KDM4B: variants seen among roughly 807,000 people sequenced by gnomAD.
KDM4B encodes lysine-specific demethylase 4B.
KDM4B carries 32 observed loss-of-function variants against 125.2 expected under a neutral mutation model. The ratio of observed to expected loss-of-function variants is 0.26; its 90% CI spans 0.19 to 0.34. KDM4B has a LOEUF of 0.34. Ranked by LOEUF, KDM4B falls within the 10% of genes least tolerant of loss-of-function variation. The pLI is 1.00. For missense variants in KDM4B, 1,190 were observed against 1,577.7 expected (o/e 0.75, Z 4.16); for synonymous variants, 721 against 677.9 (o/e 1.06, Z -0.99).
chr19:5,085,827 C>A (rs2038474196), intron 9 of KDM4B, among the ~76,000 whole-genome samples: 1 of 152,214 alleles, frequency 6.6e-6, no homozygotes. Context: ...GGGCAGCCGG[C>A]CCCTGACTCT....
At chr19:5,147,134 T>G (rs2039866322) in intron 21 of KDM4B, among the ~76,000 whole-genome samples, 1 of 151,826 alleles carries the variant, frequency 6.6e-6, no homozygotes, top group African/African-American at 2.4e-5. Context: ...TAGAACACCA[T>G]GGAAGTTTAC....
At chr19:5,079,363 G>A (rs193190634) in intron 8 of KDM4B, among the ~76,000 whole-genome samples, 3 of 152,332 alleles carry the variant, frequency 2.0e-5, no homozygotes, top group African/African-American at 4.8e-5. Flanking sequence ...GACAGACACC[G>A]TGAGTGTGGA....
chr19:4,994,310 G>T (rs1403365873), intron 1 of KDM4B, among the ~76,000 whole-genome samples: 1 of 151,448 alleles, frequency 6.6e-6, no homozygotes, highest in East Asian at 2.0e-4. Context: ...AGTGGCTCAC[G>T]CCTGTAATCT....
At chr19:5,122,199 G>C (rs897332747) in intron 11 of KDM4B, among the ~76,000 whole-genome samples, 12 of 152,290 alleles carry the variant, frequency 7.9e-5, no homozygotes, top group Admixed American at 2.0e-4. Flanking sequence ...TCAGTGTCTA[G>C]AGGCGCCCAC....
At chr19:5,034,494 C>A (rs1042566493) in intron 3 of KDM4B, among the ~76,000 whole-genome samples, 1 of 152,222 alleles carries the variant, frequency 6.6e-6, no homozygotes, top group Admixed American at 6.5e-5. Context: ...ATTGTTTTCA[C>A]GTCTTCTGCT....
At chr19:5,133,438 G>A (rs1490613710) in intron 13 of KDM4B, among the ~76,000 whole-genome samples, 1 of 152,186 alleles carries the variant, frequency 6.6e-6, no homozygotes, top group East Asian at 1.9e-4. Flanking sequence ...CTGAGTCTCG[G>A]CTGGTCACTG....
intron 7 of KDM4B, among the ~76,000 whole-genome samples, 174 bp downstream of exon 7, chr19:5,071,233 C>T (rs555569748): frequency 1.3e-5 from 2 of 152,356 alleles, no homozygotes; most frequent in East Asian, 1.9e-4. Context: ...CTCCCACCCT[C>T]GTGGTCAGAT....
intron 9 of KDM4B, among the ~76,000 whole-genome samples, chr19:5,092,088 G>A (rs1445997739): frequency 6.6e-6 from 1 of 152,214 alleles, no homozygotes; most frequent in East Asian, 1.9e-4. Flanking sequence ...CCCGGGCCGG[G>A]CCAGAATGAG....
chr19:5,130,920 G>A (rs575750469), intron 11 of KDM4B, among the ~76,000 whole-genome samples, 156 bp from the exon 12 acceptor site: 12 of 152,370 alleles, frequency 7.9e-5, no homozygotes, highest in African/African-American at 2.4e-4. Flanking sequence ...GAGGTGGCCC[G>A]AAGCCTGTGT....
chr19:5,042,888 G>A (rs1463596161), intron 5 of KDM4B, among the ~76,000 whole-genome samples: 2 of 150,776 alleles, frequency 1.3e-5, no homozygotes, highest in South Asian at 2.1e-4. Context: ...TCTGTATTTC[G>A]CGTACACTTT....
rs191192800 is a variant in KDM4B, at chr19:5,041,372, C to T, written c.432+121C>T. 197 of 677,954 alleles carry T rather than the reference C, an allele frequency of 2.9e-4. No individual in the cohort carries two copies. The African/African-American group carries it at 3.1e-3, about 11-fold the overall frequency. The allele number at this position is 677,954 out of a possible 1,614,324, so 42.0% of individuals were successfully genotyped here. A position where few individuals can be genotyped will look rare whatever the true frequency, so the allele number is the denominator to read the frequency against. On this transcript the variant is annotated intron_variant, in intron 5 of 22. Coordinates refer to ENST00000159111, the MANE Select transcript of KDM4B (RefSeq NM_015015.3). ...TCCAGGCAGGCAAGGTTAACCCCCT[C>T]GCCCAGGCTCTGGATGCGGGCCTCG...
intron 11 of KDM4B, among the ~76,000 whole-genome samples, chr19:5,120,795 A>T (rs1180876868): frequency 6.6e-6 from 1 of 152,004 alleles, no homozygotes; most frequent in Non-Finnish European, 1.5e-5. Context: ...TCCAGGTGCC[A>T]TGCAGGGAGC....
intron 11 of KDM4B, among the ~76,000 whole-genome samples, chr19:5,123,759 G>T (rs982999829): frequency 6.6e-6 from 1 of 152,240 alleles, no homozygotes; most frequent in Non-Finnish European, 1.5e-5. Flanking sequence ...GGTCGTGCTG[G>T]TAGAGGATAA....
In KDM4B at chr19:4,969,209, C is replaced by T. The variant is rs2034153948; in HGVS notation, c.-130C>T. The T allele has an allele frequency of 6.7e-6, 1 of 149,290 alleles. No individual in the cohort carries two copies. Among genetic ancestry groups the T allele is most frequent in the South Asian group, 2.1e-4 (1 of 4,826 alleles). The allele number at this position is 149,290 out of a possible 1,614,324, so 9.2% of individuals were successfully genotyped here. A position where few individuals can be genotyped will look rare whatever the true frequency, so the allele number is the denominator to read the frequency against. The stretch of plus-strand genomic sequence containing the variant: ...GGAGAGCGCGCCGCTGCTCCCGGAC[C>T]GGGCCGCGCACGCCGCCTCAGGTGA... On this transcript the variant is annotated 5_prime_UTR_variant, in exon 1 of 23. Transcript: ENST00000159111.
At chr19:5,031,255 G>C (rs541001126) in intron 2 of KDM4B, among the ~76,000 whole-genome samples, 151 of 152,370 alleles carry the variant, frequency 9.9e-4, no homozygotes, top group South Asian at 3.7e-3. Context: ...GGCCCGCTGG[G>C]ACAGTGTGGT....
intron 11 of KDM4B, among the ~76,000 whole-genome samples, chr19:5,127,087 G>A (rs754333841): frequency 5.3e-5 from 8 of 152,172 alleles, no homozygotes; most frequent in East Asian, 1.9e-4. Context: ...TGGGGTTTCC[G>A]CTGTGACACC....
At chr19:5,095,362 T>G (rs1464353835) in intron 9 of KDM4B, among the ~76,000 whole-genome samples, 1 of 152,236 alleles carries the variant, frequency 6.6e-6, no homozygotes, top group Non-Finnish European at 1.5e-5. Flanking sequence ...GTCTTCTCTC[T>G]GCCACTCTAC....
intron 1 of KDM4B, among the ~76,000 whole-genome samples, chr19:5,006,332 G>A (rs2035558699): frequency 6.6e-6 from 1 of 152,036 alleles, no homozygotes; most frequent in South Asian, 2.1e-4. Context: ...CGCAGCCCAC[G>A]GCCATTCTCC....
At position 5,044,590 on chromosome 19, in the gene KDM4B, C is replaced by G. The variant is rs989623760; in HGVS notation, c.433-2886C>G. On this transcript the variant is annotated intron_variant, in intron 5 of 22. Transcript: ENST00000159111. ...TTGAGACAGAGTCTTGCTCTGTCAC[C>G]TAGGCTGCAGTGCAGTGGCGCAATC... Among the ~76,000 whole-genome samples the G allele has an allele frequency of 2.0e-5, 3 of 152,182 alleles. No homozygotes were observed. In the East Asian group the frequency reaches 5.8e-4, roughly 29 times the overall value.
Sources: allele counts gnomAD v4.1 joint callset (sites outside exome capture counted in the v4.1 genomes callset), GRCh38; gene constraint gnomAD v4.1.1; transcripts MANE v1.5; gene names NCBI Gene and HGNC (gene_info 2026-07-23, HGNC 2026-07-21).